NCOA3: variants seen among roughly 807,000 people sequenced by gnomAD.
NCOA3 encodes the protein nuclear receptor coactivator 3, also known as CBP-interacting protein.
Under a neutral mutation model 158.8 loss-of-function variants are expected in NCOA3, and 51 were observed. The ratio of observed to expected loss-of-function variants is 0.32; its 90% CI spans 0.26 to 0.41. The LOEUF (loss-of-function observed/expected upper bound fraction) is 0.41. Ranked by LOEUF, NCOA3 falls within the 10% of genes least tolerant of loss-of-function variation. The pLI, the probability that NCOA3 is intolerant of heterozygous loss-of-function variation, is 1.00. For missense variants in NCOA3, 1,510 were observed against 1,746.6 expected, an observed-to-expected ratio of 0.86 and a Z score of 2.41; for synonymous variants, 537 against 592.4, an observed-to-expected ratio of 0.91 and a Z score of 1.36.
At chr20:47,594,740 C>A (rs1297023142) in intron 2 of NCOA3, among the ~76,000 whole-genome samples, 1 of 144,540 alleles carries the variant, frequency 6.9e-6, no homozygotes, top group Non-Finnish European at 1.5e-5. Flanking sequence ...CGGTGGCTCA[C>A]GCCTGTAATC....
chr20:47,645,491 C>G (rs1396524183), intron 17 of NCOA3, among the ~76,000 whole-genome samples: 1 of 152,134 alleles, frequency 6.6e-6, no homozygotes, highest in Non-Finnish European at 1.5e-5. Flanking sequence ...TCCTACTTCT[C>G]TATTCACTTT....
At chr20:47,647,484 T>C in intron 18 of NCOA3, 118 bp downstream of exon 18, 2 of 944,494 alleles carry the variant, frequency 2.1e-6, no homozygotes, top group Non-Finnish European at 1.6e-6. Context: ...TTCTTTTTGT[T>C]TTACTTCTGT....
intron 5 of NCOA3, among the ~76,000 whole-genome samples, chr20:47,626,077 CTG>C (rs1275456990): frequency 9.2e-5 from 14 of 152,218 alleles, no homozygotes; most frequent in African/African-American, 3.4e-4. Context: ...GGTATGATGA[CTG>C]TACGTTTCGG....
intron 1 of NCOA3, among the ~76,000 whole-genome samples, chr20:47,535,942 A>G (rs1343632116): frequency 6.6e-6 from 1 of 151,922 alleles, no homozygotes. Flanking sequence ...ACCACCCCCT[A>G]TCAAATTCTG....
rs372414798 is a variant in NCOA3 at position 47,512,161 on chromosome 20, T to A, written c.-99+10142T>A. ...GAGACCCCATCCTATGAAAAAAAAA[T>A]AGGAAATAATAAAATAATTTTTACA... is the stretch of plus-strand genomic sequence containing the variant. On this transcript the variant is annotated intron_variant, in intron 1 of 22. Transcript: ENST00000371998. Among the ~76,000 whole-genome samples, 18 of 148,644 alleles carry A rather than the reference T, an allele frequency of 1.2e-4. No homozygotes were observed. The East Asian group carries it at 2.0e-3, about 16-fold the overall frequency.
chr20:47,563,750 G>C (rs1030150657), intron 1 of NCOA3, among the ~76,000 whole-genome samples: 1 of 151,848 alleles, frequency 6.6e-6, no homozygotes, highest in Non-Finnish European at 1.5e-5. Context: ...TTAGCTGGGC[G>C]TGGTGGCAGG....
At chr20:47,587,026 G>A (rs1461907670) in intron 2 of NCOA3, among the ~76,000 whole-genome samples, 5 of 152,048 alleles carry the variant, frequency 3.3e-5, no homozygotes, top group African/African-American at 1.2e-4. Context: ...TTCTTTTCAC[G>A]GTTTCTTCTA....
intron 8 of NCOA3, chr20:47,631,245 G>A (rs1303047640): frequency 6.6e-6 from 1 of 152,222 alleles, no homozygotes; most frequent in Non-Finnish European, 1.5e-5. Context: ...AGATCAGCAA[G>A]GTTCATTTCA....
intron 2 of NCOA3, among the ~76,000 whole-genome samples, chr20:47,593,114 G>A (rs2085675911): frequency 1.3e-5 from 2 of 151,818 alleles, no homozygotes; most frequent in South Asian, 4.2e-4. Flanking sequence ...TTTGTATTTT[G>A]TAGAGATGGA....
At chr20:47,594,434 G>A (rs1389270700) in intron 2 of NCOA3, among the ~76,000 whole-genome samples, 1 of 151,936 alleles carries the variant, frequency 6.6e-6, no homozygotes, top group African/African-American at 2.4e-5. Flanking sequence ...AGGCCTAGGT[G>A]GGCAGATCAC....
chr20:47,622,376 T>C (rs758401790), intron 3 of NCOA3, 46 bp downstream of exon 3: 2 of 1,258,370 alleles, frequency 1.6e-6, no homozygotes, highest in Admixed American at 4.8e-5. Context: ...GTTGTGCCTT[T>C]GTTTAAGGAT....
chr20:47,588,232 T>C (rs1415041217), intron 2 of NCOA3, among the ~76,000 whole-genome samples: 3 of 147,904 alleles, frequency 2.0e-5, no homozygotes, highest in Admixed American at 7.0e-5. Flanking sequence ...CCTTCTGGGT[T>C]CATGGGATTC....
intron 2 of NCOA3, among the ~76,000 whole-genome samples, chr20:47,598,306 G>T (rs964090954): frequency 6.7e-6 from 1 of 150,000 alleles, no homozygotes; most frequent in Non-Finnish European, 1.5e-5. Flanking sequence ...AACTTTGGAA[G>T]CATCATTTAC....
intron 1 of NCOA3, among the ~76,000 whole-genome samples, chr20:47,555,636 T>G (rs1381211619): frequency 1.4e-5 from 2 of 141,444 alleles, no homozygotes; most frequent in Non-Finnish European, 1.5e-5. Context: ...TAAAGTGTTT[T>G]TTTTTTTTTT....
chr20:47,633,481 T>C lies in NCOA3; in HGVS notation c.824-15T>C. 1.3e-6 allele frequency: 2 copies of C among 1,598,826 alleles called. No individual in the cohort carries two copies. Among genetic ancestry groups the C allele is most frequent in the Non-Finnish European group, 1.7e-6 (2 of 1,174,902 alleles). ...GGCTGGATATAAGTCTTTTTTTCCT[T>C]TTTTTGTTTAATAGGAAAGGTTGTC... On this transcript the variant is annotated splice_polypyrimidine_tract_variant and intron_variant, in intron 8 of 22. Transcript: ENST00000371998.
intron 1 of NCOA3, among the ~76,000 whole-genome samples, chr20:47,521,085 G>C (rs547976556): frequency 1.3e-5 from 2 of 152,326 alleles, no homozygotes; most frequent in East Asian, 3.9e-4. Flanking sequence ...TGTGTGCACA[G>C]AGTCGTCGCC....
intron 1 of NCOA3, among the ~76,000 whole-genome samples, chr20:47,506,095 G>A (rs1471096493): frequency 2.0e-5 from 3 of 152,140 alleles, no homozygotes; most frequent in African/African-American, 4.8e-5. Flanking sequence ...GTGAGCCACC[G>A]CTCCCGGCCC....
At chr20:47,594,815 C>G (rs62201666) in intron 2 of NCOA3, among the ~76,000 whole-genome samples, 29 of 125,708 alleles carry the variant, frequency 2.3e-4, no homozygotes, top group Admixed American at 5.0e-4. Context: ...TTTTTGGAGA[C>G]AGTTTTGCTG....
At chr20:47,583,809 A>G (rs573534746) in intron 2 of NCOA3, among the ~76,000 whole-genome samples, 31 of 152,272 alleles carry the variant, frequency 2.0e-4, no homozygotes, top group African/African-American at 7.5e-4. Context: ...TGCAAAAACT[A>G]GCCAGACATA....
Sources: allele counts gnomAD v4.1 joint callset (sites outside exome capture counted in the v4.1 genomes callset), GRCh38; gene constraint gnomAD v4.1.1; transcripts MANE v1.5; gene names NCBI Gene and HGNC (gene_info 2026-07-23, HGNC 2026-07-21).